The following ZNF644 variants were observed in gnomAD, a reference collection of about 807,000 sequenced individuals.
The protein encoded by ZNF644 is zinc finger motif enhancer binding protein 2.
In ZNF644, 20 loss-of-function variants were observed where a neutral mutation model predicts 108.0. The observed-to-expected ratio is 0.19, with a 90% CI of 0.13 to 0.27. The LOEUF (loss-of-function observed/expected upper bound fraction) is 0.27, where lower values mean the gene tolerates loss of function less well. ZNF644 is among the 10% of genes least tolerant of loss of function. ZNF644 has a pLI of 1.00. For synonymous variants in ZNF644, 542 were observed against 539.1 expected (o/e 1.01, Z -0.08); for missense variants, 1,338 against 1,548.9 (o/e 0.86, Z 2.29).
chr1:90,935,020 C>T (rs1427172025), intron 4 of ZNF644, among the ~76,000 whole-genome samples: 1 of 152,078 alleles, frequency 6.6e-6, no homozygotes, highest in African/African-American at 2.4e-5. Flanking sequence ...CTCCTGCCAG[C>T]CTCATGAGTA....
chr1:90,985,021 C>T (rs1287342184), intron 1 of ZNF644, among the ~76,000 whole-genome samples: 3 of 152,126 alleles, frequency 2.0e-5, no homozygotes, highest in African/African-American at 7.2e-5. Flanking sequence ...AAGGCATATA[C>T]AAACACCACA....
intron 2 of ZNF644, among the ~76,000 whole-genome samples, chr1:90,958,540 A>G (rs959730536): frequency 2.6e-5 from 4 of 152,172 alleles, no homozygotes; most frequent in African/African-American, 9.7e-5. Context: ...AAAGAAAAAG[A>G]AGGAGTACTC....
chr1:90,944,054 G>T (rs1006170346), intron 2 of ZNF644, among the ~76,000 whole-genome samples: 1 of 152,288 alleles, frequency 6.6e-6, no homozygotes, highest in South Asian at 2.1e-4. Context: ...TTTCTCAACA[G>T]GAAGCAATGT....
At chr1:90,923,186 C>T (rs1649661252) in intron 4 of ZNF644, among the ~76,000 whole-genome samples, 1 of 152,138 alleles carries the variant, frequency 6.6e-6, no homozygotes, top group African/African-American at 2.4e-5. Context: ...GTTTAATGCT[C>T]TACTGTTGCA....
intron 1 of ZNF644, among the ~76,000 whole-genome samples, chr1:90,999,149 C>T (rs1557648284): frequency 2.6e-5 from 4 of 152,142 alleles, no homozygotes; most frequent in African/African-American, 7.2e-5. Context: ...ACTTTCCCAA[C>T]CTAGCAAGGC....
intron 2 of ZNF644, among the ~76,000 whole-genome samples, chr1:90,967,660 C>A (rs1655054667): frequency 6.6e-6 from 1 of 152,058 alleles, no homozygotes; most frequent in Non-Finnish European, 1.5e-5. Flanking sequence ...TTAAACACAA[C>A]AAATTTTCCT....
At chr1:90,976,094 G>C (rs1655979750) in intron 2 of ZNF644, among the ~76,000 whole-genome samples, 1 of 152,312 alleles carries the variant, frequency 6.6e-6, no homozygotes, top group African/African-American at 2.4e-5. Flanking sequence ...TGGACATCCA[G>C]TTAAATGAAA....
At chr1:90,975,091 T>G (rs1282609524) in intron 2 of ZNF644, among the ~76,000 whole-genome samples, 3 of 152,214 alleles carry the variant, frequency 2.0e-5, no homozygotes, top group African/African-American at 7.2e-5. Context: ...GTGTCACTTC[T>G]GGGAGGCCTT....
chr1:90,979,435 T>G (rs1045582967), intron 2 of ZNF644, among the ~76,000 whole-genome samples: 1 of 152,160 alleles, frequency 6.6e-6, no homozygotes, highest in Non-Finnish European at 1.5e-5. Flanking sequence ...ACTGTGCCAT[T>G]GCATTCCCAC....
At chr1:90,945,380 TC>T (rs1652416686) in intron 2 of ZNF644, among the ~76,000 whole-genome samples, 1 of 152,046 alleles carries the variant, frequency 6.6e-6, no homozygotes, top group Non-Finnish European at 1.5e-5. Flanking sequence ...TATTTCAATT[TC>T]TAGAAAATCA....
intron 4 of ZNF644, among the ~76,000 whole-genome samples, chr1:90,921,947 C>A (rs912242106): frequency 4.6e-5 from 7 of 152,058 alleles, no homozygotes; most frequent in African/African-American, 1.4e-4. Context: ...TAACACAACA[C>A]ATAAAAATTC....
intron 2 of ZNF644, among the ~76,000 whole-genome samples, chr1:90,951,025 G>A (rs1412891115): frequency 1.3e-5 from 2 of 152,146 alleles, no homozygotes; most frequent in African/African-American, 4.8e-5. Context: ...TAACCTTGGA[G>A]CAACCTTCAC....
chr1:91,001,374 G>C (rs1329302212), intron 1 of ZNF644, among the ~76,000 whole-genome samples: 2 of 152,144 alleles, frequency 1.3e-5, no homozygotes, highest in African/African-American at 4.8e-5. Context: ...TGCAAGGCTG[G>C]TTCAACGTAC....
At chr1:90,933,094 T>C (rs1650922274) in intron 4 of ZNF644, among the ~76,000 whole-genome samples, 1 of 152,230 alleles carries the variant, frequency 6.6e-6, no homozygotes, top group Non-Finnish European at 1.5e-5. Context: ...AGTGCATTCT[T>C]GGTAAATGGA....
chr1:90,922,429 A>G (rs1649554374), intron 4 of ZNF644, among the ~76,000 whole-genome samples: 2 of 152,150 alleles, frequency 1.3e-5, no homozygotes, highest in South Asian at 4.1e-4. Context: ...GAGCTCATTC[A>G]GAACTACAGT....
chr1:90,965,118 A>G (rs1373329194), intron 2 of ZNF644, among the ~76,000 whole-genome samples: 4 of 152,222 alleles, frequency 2.6e-5, no homozygotes, highest in South Asian at 4.1e-4. Context: ...CTAGGATAAC[A>G]GAAAAAGCTA....
chr1:90,939,475 T>C lies in ZNF644; in HGVS notation c.1879A>G (p.Lys627Glu), dbSNP rs1651721047. The change falls in exon 3 of 6, where the codon AAA (lysine) becomes GAA (glutamate). Residue 627 changes from lysine to glutamate, a missense_variant. Transcript: ENST00000337393. ...ACAGGTTCTTCAAGGATGTCATTTT[T>C]TCTTTTATCAAGTCCAAGAGGACTA... ...FGSPLGLDKR[K>E]NDILEEPVDS... is the part of the protein sequence containing the mutation. 1.9e-6 allele frequency: 3 copies of C among 1,613,830 alleles called. No homozygotes were observed. The highest frequency in any genetic ancestry group is 4.5e-5 in the East Asian group (2 of 44,874).
intron 1 of ZNF644, among the ~76,000 whole-genome samples, chr1:91,001,583 T>C (rs1658831332): frequency 6.6e-6 from 1 of 152,208 alleles, no homozygotes; most frequent in South Asian, 2.1e-4. Flanking sequence ...AATATCATAC[T>C]GAATGGACAA....
At position 90,938,965 on chromosome 1, in the gene ZNF644, G is replaced by A; in HGVS notation, c.2389C>T (p.Pro797Ser). Reference protein sequence around the residue: ...SDPHKPDAKRPESFKDHRRVA... With the variant: ...SDPHKPDAKRSESFKDHRRVA... ...CGTCTGTGATCTTTGAAGCTTTCAG[G>A]CCTTTTGGCGTCAGGCTTATGAGGG... The change falls in exon 3 of 6, where the codon CCT becomes TCT. Residue 797 changes from proline to serine, a missense_variant. This residue lies in a region of ZNF644 where 462 missense variants were observed against 472.6 expected (regional missense o/e 0.98). Coordinates refer to ENST00000337393, the MANE Select transcript of ZNF644 (RefSeq NM_201269.3). This position sits in a 1 kb window ranked among gnomAD's most constrained non-coding sequence, Gnocchi z 4.2. The A allele has an allele frequency of 6.2e-7, 1 of 1,613,920 alleles. No individual in the cohort carries two copies. The highest frequency in any genetic ancestry group is 8.5e-7 in the Non-Finnish European group (1 of 1,179,924).
Sources: allele counts gnomAD v4.1 joint callset (sites outside exome capture counted in the v4.1 genomes callset), GRCh38; gene constraint gnomAD v4.1.1; regional missense constraint gnomAD v4.1.1; non-coding constraint Gnocchi (gnomAD v3.1); transcripts MANE v1.5; gene names NCBI Gene and HGNC (gene_info 2026-07-23, HGNC 2026-07-21).